Variants in KHDRBS3 observed in about 807,000 individuals in gnomAD.
KHDRBS3 encodes the protein KH RNA binding domain containing, signal transduction associated 3.
A neutral mutation model predicts 45.6 loss-of-function variants in KHDRBS3; 23 were observed. That is an observed-to-expected ratio of 0.50 (90% CI 0.36 to 0.72). KHDRBS3 has a LOEUF of 0.72. Among genes scored for constraint, KHDRBS3 ranks in the 30% least tolerant of loss-of-function variants. KHDRBS3 has a pLI of 0.00. For synonymous variants in KHDRBS3, 162 were observed against 156.5 expected, an observed-to-expected ratio of 1.04 and a Z score of -0.26; for missense variants, 352 against 424.8, an observed-to-expected ratio of 0.83 and a Z score of 1.51.
chr8:135,638,301 T>C (rs1407167446), intron 7 of KHDRBS3, among the ~76,000 whole-genome samples: 1 of 152,138 alleles, frequency 6.6e-6, no homozygotes, highest in African/African-American at 2.4e-5. Context: ...CCTCGGGTAG[T>C]CCCACCCTCT....
Position 135,645,130 on chromosome 8 carries a change from C to CCAGAGCA in KHDRBS3, c.949+14_949+20dup. 1 of 1,612,640 alleles carries CCAGAGCA rather than the reference C, an allele frequency of 6.2e-7. No homozygotes were observed. The highest frequency in any genetic ancestry group is 1.1e-5 in the South Asian group (1 of 91,002). On this transcript the variant is annotated intron_variant, in intron 8 of 8. Transcript: ENST00000355849. ...TATGATTCCTACGGTGAGTGACTGG[C>CCAGAGCA]CAGAGCATGTGAAGAGAGGGAGGAG...
At chr8:135,534,558 G>A (rs1825639391) in intron 2 of KHDRBS3, among the ~76,000 whole-genome samples, 1 of 152,136 alleles carries the variant, frequency 6.6e-6, no homozygotes, top group African/African-American at 2.4e-5. Context: ...GAAAAAGAAG[G>A]CGACAGGCAG....
At chr8:135,525,858 A>G (rs993840995) in intron 2 of KHDRBS3, among the ~76,000 whole-genome samples, 1 of 152,160 alleles carries the variant, frequency 6.6e-6, no homozygotes, top group Non-Finnish European at 1.5e-5. Flanking sequence ...TGAAACTAAT[A>G]CTTTGTTGTC....
chr8:135,623,269 G>A (rs941590788), intron 7 of KHDRBS3, among the ~76,000 whole-genome samples: 15 of 152,114 alleles, frequency 9.9e-5, no homozygotes, highest in Admixed American at 3.9e-4. Context: ...TCTTGTTAGC[G>A]TTTCTGAGAA....
chr8:135,594,242 A>T (rs779672051), intron 6 of KHDRBS3, among the ~76,000 whole-genome samples: 3 of 152,260 alleles, frequency 2.0e-5, no homozygotes, highest in Non-Finnish European at 2.9e-5. Context: ...GTTGGGTGAC[A>T]GAAGTGGAAG....
intron 1 of KHDRBS3, among the ~76,000 whole-genome samples, chr8:135,509,649 A>G (rs1019363654): frequency 5.3e-5 from 8 of 152,198 alleles, no homozygotes; most frequent in Non-Finnish European, 7.3e-5. Flanking sequence ...CTCTTGTTTA[A>G]GGATACATTT....
At chr8:135,463,379 GT>G (rs1275009323) in intron 1 of KHDRBS3, among the ~76,000 whole-genome samples, 1 of 152,108 alleles carries the variant, frequency 6.6e-6, no homozygotes, top group African/African-American at 2.4e-5. Context: ...GAAGTCAACA[GT>G]TCTGCCCATA....
chr8:135,563,333 TCTC>T (rs1282738438), intron 5 of KHDRBS3, among the ~76,000 whole-genome samples: 3 of 152,228 alleles, frequency 2.0e-5, no homozygotes, highest in East Asian at 1.9e-4. Flanking sequence ...TCACATTTAT[TCTC>T]CTTCTCGTTG....
At chr8:135,521,017 G>A (rs748488717) in intron 1 of KHDRBS3, among the ~76,000 whole-genome samples, 2 of 152,158 alleles carry the variant, frequency 1.3e-5, no homozygotes, top group Non-Finnish European at 2.9e-5. Context: ...CTGTTGGTAT[G>A]AGCAGTTGAG....
At chr8:135,512,338 T>C (rs1824329941) in intron 1 of KHDRBS3, among the ~76,000 whole-genome samples, 1 of 150,900 alleles carries the variant, frequency 6.6e-6, no homozygotes, top group Admixed American at 6.6e-5. Flanking sequence ...ATGTTGAGCA[T>C]CTTATATGAG....
At chr8:135,655,170 G>C (rs1563834669) in intron 4 of KHDRBS3, among the ~76,000 whole-genome samples, 1 of 152,240 alleles carries the variant, frequency 6.6e-6, no homozygotes, top group African/African-American at 2.4e-5. Flanking sequence ...TGTATTAGAT[G>C]TTTAACTTTT....
intron 2 of KHDRBS3, chr8:135,541,110 A>G (rs578233903): frequency 1.3e-5 from 2 of 152,376 alleles, no homozygotes; most frequent in Admixed American, 6.5e-5. Context: ...GATAGCAAAA[A>G]TGAAGGAATC....
At chr8:135,603,670 T>A (rs954372666) in intron 6 of KHDRBS3, among the ~76,000 whole-genome samples, 6 of 152,206 alleles carry the variant, frequency 3.9e-5, no homozygotes, top group African/African-American at 1.4e-4. Flanking sequence ...AAAATTTTTT[T>A]AAATATTAGT....
chr8:135,649,477 G>T (rs1350434245), downstream of KHDRBS3, among the ~76,000 whole-genome samples: 2 of 152,098 alleles, frequency 1.3e-5, no homozygotes, highest in Non-Finnish European at 2.9e-5. Flanking sequence ...TGTGAGCTTG[G>T]TTTTTTCCCT....
chr8:135,628,052 G>A (rs143236395), intron 7 of KHDRBS3, among the ~76,000 whole-genome samples: 36 of 152,232 alleles, frequency 2.4e-4, no homozygotes, highest in Middle Eastern at 3.4e-3. Context: ...AATGAATGCT[G>A]TTGTTCTGCT....
chr8:135,571,509 A>G (rs1450514450), intron 5 of KHDRBS3, among the ~76,000 whole-genome samples: 1 of 152,204 alleles, frequency 6.6e-6, no homozygotes, highest in Non-Finnish European at 1.5e-5. Context: ...TTAAAAGGGG[A>G]AAATCAGAGA....
chr8:135,631,721 C>T (rs2131141779), intron 7 of KHDRBS3, among the ~76,000 whole-genome samples: 1 of 152,144 alleles, frequency 6.6e-6, no homozygotes, highest in South Asian at 2.1e-4. Context: ...TAGGAGGTAA[C>T]CAGATAGGTT....
At chr8:135,625,762 T>A in intron 7 of KHDRBS3, 1 of 764,128 alleles carries the variant, frequency 1.3e-6, no homozygotes, top group Non-Finnish European at 2.4e-6. Context: ...ATTTTGAAGT[T>A]CTGGATGCAC....
chr8:135,588,068 A>G (rs1828565324), intron 6 of KHDRBS3, among the ~76,000 whole-genome samples: 1 of 152,210 alleles, frequency 6.6e-6, no homozygotes, highest in Non-Finnish European at 1.5e-5. Flanking sequence ...GCCATTTACC[A>G]GGAGTTAGCA....
Sources: allele counts gnomAD v4.1 joint callset (sites outside exome capture counted in the v4.1 genomes callset), GRCh38; gene constraint gnomAD v4.1.1; transcripts MANE v1.5; gene names NCBI Gene and HGNC (gene_info 2026-07-23, HGNC 2026-07-21).